Variants in HEXA observed in about 807,000 individuals in gnomAD.
HEXA encodes beta-hexosaminidase subunit alpha.
In HEXA, 54 loss-of-function variants were observed where a neutral mutation model predicts 73.3. That is an observed-to-expected ratio of 0.74 (90% CI 0.59 to 0.92). HEXA has a LOEUF of 0.92. Among genes scored for constraint, HEXA ranks in the 40% least tolerant of loss-of-function variants. HEXA has a pLI of 0.00. For synonymous variants in HEXA, 230 were observed against 246.9 expected, an observed-to-expected ratio of 0.93 and a Z score of 0.64; for missense variants, 649 against 653.0, an observed-to-expected ratio of 0.99 and a Z score of 0.07.
chr15:72,348,935 C>G (rs550948639), intron 8 of HEXA, 144 bp downstream of exon 8: 1 of 723,102 alleles, frequency 1.4e-6, no homozygotes, highest in African/African-American at 1.7e-5. Flanking sequence ...CGTAGATGGG[C>G]AGAGGAAGGC....
At chr15:72,344,388 C>T (rs1240696630) in intron 13 of HEXA, among the ~76,000 whole-genome samples, 1 of 152,126 alleles carries the variant, frequency 6.6e-6, no homozygotes, top group African/African-American at 2.4e-5. Flanking sequence ...GATCCAGAAA[C>T]GTTGGCGACA....
chr15:72,346,782 C>A (rs1231267399), intron 10 of HEXA, 72 bp from the exon 11 acceptor site: 2 of 1,331,278 alleles, frequency 1.5e-6, no homozygotes, highest in Non-Finnish European at 2.2e-6. Context: ...CATACACAGG[C>A]AACATGGGAC....
chr15:72,359,189 T>C (rs573164354), intron 1 of HEXA: 31 of 152,210 alleles, frequency 2.0e-4, no homozygotes, highest in Non-Finnish European at 4.1e-4. Context: ...TCCCATTTCC[T>C]TCCCTGTAAA....
intron 1 of HEXA, among the ~76,000 whole-genome samples, chr15:72,371,683 T>C (rs2088995757): frequency 6.6e-6 from 1 of 151,842 alleles, no homozygotes; most frequent in Non-Finnish European, 1.5e-5. Context: ...AACGTTAATA[T>C]ATTTTACAAA....
chr15:72,374,258 AC>A (rs1171803133), intron 1 of HEXA, among the ~76,000 whole-genome samples: 3 of 152,106 alleles, frequency 2.0e-5, no homozygotes, highest in African/African-American at 7.2e-5. Flanking sequence ...ACTCTTCTAA[AC>A]CAAAATCAAC....
chr15:72,355,543 A>G lies in HEXA; in HGVS notation c.412+16T>C, dbSNP rs780776443. Reference sequence around the variant, plus strand: ...CATCCTTTCTCTCTCTCTTTTAATCAGCCCCAATTTGTTACCTCGGAGAGC... The same window carrying G: ...CATCCTTTCTCTCTCTCTTTTAATCGGCCCCAATTTGTTACCTCGGAGAGC... On this transcript the variant is annotated intron_variant, in intron 3 of 13. Transcript: ENST00000268097. 1 of 1,564,896 alleles carries G rather than the reference A, an allele frequency of 6.4e-7. No homozygotes were observed.
In HEXA at chr15:72,345,433, A is replaced by G. The variant is rs1406864261; in HGVS notation, c.1526+13T>C. The stretch of plus-strand genomic sequence containing the variant: ...GCCTGCTCCGCCTTGCGAAGGCCCC[A>G]CAGCTTGCTTACCTCAGCAATTCAC... On this transcript the variant is annotated intron_variant, in intron 13 of 13. Coordinates refer to ENST00000268097, the MANE Select transcript of HEXA (RefSeq NM_000520.6). The G allele has an allele frequency of 4.3e-6, 7 of 1,614,014 alleles. No homozygotes were observed. In the South Asian group the frequency reaches 5.5e-5, roughly 13 times the overall value.
At chr15:72,370,578 A>T in intron 1 of HEXA, 1 of 398,378 alleles carries the variant, frequency 2.5e-6, no homozygotes, top group South Asian at 1.3e-4. Context: ...ATGCGTCTGT[A>T]GTCCTAGCTA....
intron 1 of HEXA, chr15:72,370,481 A>G: frequency 2.5e-6 from 1 of 394,480 alleles, no homozygotes; most frequent in East Asian, 3.6e-5. Flanking sequence ...GCTTGAAGCC[A>G]GGGGTTCAAG....
chr15:72,355,457 C>CA (rs1405480085), intron 3 of HEXA, 102 bp downstream of exon 3: 19 of 829,906 alleles, frequency 2.3e-5, no homozygotes, highest in Non-Finnish European at 3.8e-5. Flanking sequence ...GCCTAGGAGG[C>CA]AGAGGTTGCA....
At position 72,346,645 on chromosome 15, in the gene HEXA, C is replaced by T; in HGVS notation, c.1212G>A (p.Leu404=). ...GGAAGCCGGCCTTGGTGACCAGTTC[C>T]AGCTCCTTCATATAGTTCACTGGAA... ...EDIPVNYMKE[L]ELVTKAGFRA... is the part of the protein sequence containing the mutation. The change falls in exon 11 of 14, where the codon CTG becomes CTA. Residue 404 remains leucine (L), a synonymous_variant. Transcript: ENST00000268097. 6.2e-7 allele frequency: 1 copy of T among 1,614,158 alleles called. No homozygotes were observed. Among genetic ancestry groups the T allele is most frequent in the Non-Finnish European group, 8.5e-7 (1 of 1,180,022 alleles).
intron 1 of HEXA, chr15:72,360,380 G>A (rs2088838034): frequency 6.6e-6 from 1 of 152,092 alleles, no homozygotes; most frequent in Admixed American, 6.6e-5. Context: ...CCTCCCTTAT[G>A]CTCAGCAGAC....
chr15:72,349,710 A>G (rs1462131963), intron 7 of HEXA, among the ~76,000 whole-genome samples: 1 of 151,982 alleles, frequency 6.6e-6, no homozygotes, highest in Non-Finnish European at 1.5e-5. Flanking sequence ...TGGCCCAGAG[A>G]CTACTTCCTG....
At chr15:72,366,400 C>A (rs987063084) in intron 1 of HEXA, among the ~76,000 whole-genome samples, 17 of 152,034 alleles carry the variant, frequency 1.1e-4, no homozygotes, top group Admixed American at 1.1e-3. Context: ...TCTCCGCCTC[C>A]CAGGCTCAAG....
chr15:72,351,010 TC>T, intron 6 of HEXA, 122 bp downstream of exon 6: 1 of 736,600 alleles, frequency 1.4e-6, no homozygotes. Context: ...AAATCCAGTG[TC>T]CTTCCCCTAT....
At chr15:72,345,671 CA>C (rs1380887571) in intron 12 of HEXA, 121 bp from the exon 13 acceptor site, 1 of 1,519,838 alleles carries the variant, frequency 6.6e-7, no homozygotes, top group African/African-American at 1.4e-5. Flanking sequence ...AGGAAGTGAT[CA>C]ATACCTTGTT....
At chr15:72,364,824 T>A (rs1409096722) in intron 1 of HEXA, among the ~76,000 whole-genome samples, 1 of 150,246 alleles carries the variant, frequency 6.7e-6, no homozygotes, top group South Asian at 2.1e-4. Context: ...TTTAATTTTT[T>A]TTTTTTTTTT....
intron 1 of HEXA, chr15:72,359,926 A>G (rs1458424234): frequency 6.6e-6 from 1 of 152,114 alleles, no homozygotes; most frequent in Non-Finnish European, 1.5e-5. Flanking sequence ...CTGGACATGG[A>G]ATTCTAATAA....
At chr15:72,362,152 A>G (rs2088859711) in intron 1 of HEXA, among the ~76,000 whole-genome samples, 5 of 152,142 alleles carry the variant, frequency 3.3e-5, no homozygotes, top group Admixed American at 3.3e-4. Flanking sequence ...TATTTTCTCC[A>G]TATTTTTCTT....
Sources: gnomAD v4.1 joint callset for allele counts (sites outside exome capture counted in the v4.1 genomes callset) on GRCh38, gnomAD v4.1.1 for gene constraint, MANE v1.5 for transcripts, NCBI Gene and HGNC (gene_info 2026-07-23, HGNC 2026-07-21) for gene names.